Variants in CYSTM1 observed in about 807,000 individuals in gnomAD.
The protein encoded by CYSTM1 is cysteine-rich transmembrane module-containing protein 1.
A neutral mutation model predicts 13.1 loss-of-function variants in CYSTM1; 4 were observed. That is an observed-to-expected ratio of 0.31 (90% CI 0.15 to 0.70). The LOEUF (loss-of-function observed/expected upper bound fraction) is 0.70. CYSTM1 is among the 30% of genes least tolerant of loss of function. The pLI is 0.72. For synonymous variants in CYSTM1, 36 were observed against 42.7 expected, an observed-to-expected ratio of 0.84 and a Z score of 0.62; for missense variants, 96 against 121.6, an observed-to-expected ratio of 0.79 and a Z score of 0.99.
intron 2 of CYSTM1, among the ~76,000 whole-genome samples, chr5:140,212,179 C>G (rs1415180475): frequency 6.6e-6 from 1 of 152,148 alleles, no homozygotes; most frequent in East Asian, 1.9e-4. Flanking sequence ...GAACCCAGGT[C>G]TGTCTAGTTT....
intron 1 of CYSTM1, among the ~76,000 whole-genome samples, chr5:140,188,932 A>G (rs1764057520): frequency 6.6e-6 from 1 of 152,244 alleles, no homozygotes; most frequent in Non-Finnish European, 1.5e-5. Flanking sequence ...TTAATGTACA[A>G]CTCAATACAT....
chr5:140,198,404 G>A (rs2126658866), intron 2 of CYSTM1, among the ~76,000 whole-genome samples: 1 of 152,286 alleles, frequency 6.6e-6, no homozygotes, highest in East Asian at 1.9e-4. Context: ...GCCTGTCTGG[G>A]TGTAGGCTAT....
chr5:140,216,534 C>T (rs1764429057), intron 2 of CYSTM1, among the ~76,000 whole-genome samples: 1 of 152,118 alleles, frequency 6.6e-6, no homozygotes. Flanking sequence ...GTAACCTGCC[C>T]TGGTTTTCTG....
At chr5:140,182,270 C>T (rs1763969110) in intron 1 of CYSTM1, among the ~76,000 whole-genome samples, 2 of 152,152 alleles carry the variant, frequency 1.3e-5, no homozygotes. Flanking sequence ...GTTTTTCAGG[C>T]AGCAGTAGAT....
intron 2 of CYSTM1, among the ~76,000 whole-genome samples, chr5:140,234,397 C>T (rs961140504): frequency 6.6e-6 from 1 of 152,076 alleles, no homozygotes; most frequent in Non-Finnish European, 1.5e-5. Context: ...GTTCTCTTTC[C>T]TTTCCATAAA....
chr5:140,228,900 C>T (rs1764590268), intron 2 of CYSTM1: 2 of 398,438 alleles, frequency 5.0e-6, no homozygotes, highest in Non-Finnish European at 8.9e-6. Flanking sequence ...TAAACAACTA[C>T]TGTTGCACAA....
chr5:140,220,228 C>G (rs1764474095), intron 2 of CYSTM1, among the ~76,000 whole-genome samples: 2 of 152,188 alleles, frequency 1.3e-5, no homozygotes. Flanking sequence ...ATTAATCACC[C>G]TAACCACGGT....
intron 2 of CYSTM1, among the ~76,000 whole-genome samples, chr5:140,223,571 T>C (rs1023489397): frequency 6.6e-6 from 1 of 152,224 alleles, no homozygotes; most frequent in Non-Finnish European, 1.5e-5. Flanking sequence ...ATTACCCTGA[T>C]GGTTACCTTA....
chr5:140,180,316 T>G lies in CYSTM1; in HGVS notation c.-21+5031T>G, dbSNP rs113893113. Among the ~76,000 whole-genome samples, 3 of 152,298 alleles carry G rather than the reference T, an allele frequency of 2.0e-5. 1 individual carries two copies. The highest frequency in any genetic ancestry group is 7.2e-5 in the African/African-American group (3 of 41,558). On this transcript the variant is annotated intron_variant, in intron 1 of 2. Transcript: ENST00000261811. ...CGTACTGAACTACAACATCCATCTTTTAGACTTCTGACATTTGTTGGCCAG... is the reference window on the plus strand; with the variant it reads ...CGTACTGAACTACAACATCCATCTTGTAGACTTCTGACATTTGTTGGCCAG...
At chr5:140,222,482 G>A (rs950697391) in intron 2 of CYSTM1, among the ~76,000 whole-genome samples, 1 of 152,136 alleles carries the variant, frequency 6.6e-6, no homozygotes, top group African/African-American at 2.4e-5. Context: ...TGTCTTAATG[G>A]GCATGTGATT....
chr5:140,231,502 G>T (rs1764616644), intron 2 of CYSTM1, among the ~76,000 whole-genome samples: 1 of 152,160 alleles, frequency 6.6e-6, no homozygotes, highest in Admixed American at 6.5e-5. Context: ...CCCTGCTTTT[G>T]CAGGGCTTAT....
intron 1 of CYSTM1, among the ~76,000 whole-genome samples, chr5:140,183,932 A>G (rs1763987769): frequency 6.6e-6 from 1 of 152,214 alleles, no homozygotes; most frequent in African/African-American, 2.4e-5. Flanking sequence ...CCATGTGGTT[A>G]GATGGATTGT....
intron 1 of CYSTM1, among the ~76,000 whole-genome samples, chr5:140,182,089 AT>A: frequency 6.6e-6 from 1 of 152,202 alleles, no homozygotes. Flanking sequence ...AAACCCTAAA[AT>A]TTGTTTAAAA....
rs185261407 is a variant in CYSTM1 at position 140,206,845 on chromosome 5, G to A, written c.187+12193G>A. Among the ~76,000 whole-genome samples the A allele has an allele frequency of 5.3e-5, 8 of 152,116 alleles. 1 individual carries two copies. The highest frequency in any genetic ancestry group is 1.2e-4 in the Non-Finnish European group (8 of 67,998). On this transcript the variant is annotated intron_variant, in intron 2 of 2. Coordinates refer to ENST00000261811, the MANE Select transcript of CYSTM1 (RefSeq NM_032412.4). ...GAGGGGTCTCACCAAACACTGCCCC[G>A]GTTGGTCTTGAGCTCCTGGACTCAA...
intron 1 of CYSTM1, among the ~76,000 whole-genome samples, chr5:140,192,217 G>T (rs948701855): frequency 6.6e-6 from 1 of 152,036 alleles, no homozygotes; most frequent in East Asian, 1.9e-4. Flanking sequence ...AGGTTTAAGC[G>T]CCTACTCCTA....
intron 2 of CYSTM1, among the ~76,000 whole-genome samples, chr5:140,206,540 A>C (rs1764299955): frequency 6.6e-6 from 1 of 152,102 alleles, no homozygotes; most frequent in Non-Finnish European, 1.5e-5. Context: ...TCTGTACAGA[A>C]TCCTGGGAGT....
At chr5:140,189,161 G>A (rs1463276519) in intron 1 of CYSTM1, among the ~76,000 whole-genome samples, 3 of 152,186 alleles carry the variant, frequency 2.0e-5, no homozygotes, top group African/African-American at 7.2e-5. Context: ...CTCATCTTGG[G>A]ATGTGATCCC....
At chr5:140,194,686 C>G (rs369673471) in intron 2 of CYSTM1, 34 bp downstream of exon 2, 2 of 1,569,950 alleles carry the variant, frequency 1.3e-6, no homozygotes, top group Middle Eastern at 1.7e-4. Flanking sequence ...TGTGCAGTCC[C>G]GTGTCACTAA....
intron 2 of CYSTM1, among the ~76,000 whole-genome samples, chr5:140,200,006 T>C (rs1011486463): frequency 6.6e-6 from 1 of 152,340 alleles, no homozygotes; most frequent in South Asian, 2.1e-4. Flanking sequence ...TCCTTGTAGA[T>C]TGTGGATATT....
Sources: gnomAD v4.1 joint callset for allele counts (sites outside exome capture counted in the v4.1 genomes callset) on GRCh38, gnomAD v4.1.1 for gene constraint, MANE v1.5 for transcripts, NCBI Gene and HGNC (gene_info 2026-07-23, HGNC 2026-07-21) for gene names.